Variants in SLC22A3 observed in about 807,000 individuals in gnomAD.
SLC22A3 encodes the protein EMT organic cation transporter 3.
In SLC22A3, 51 loss-of-function variants were observed where a neutral mutation model predicts 59.1. That is an observed-to-expected ratio of 0.86 (90% confidence interval 0.69 to 1.09). The LOEUF (loss-of-function observed/expected upper bound fraction) is 1.09. SLC22A3 is among the 50% of genes least tolerant of loss of function. The pLI is 0.00. For missense variants in SLC22A3, 711 were observed against 726.3 expected (o/e 0.98, Z 0.24); for synonymous variants, 325 against 292.0 (o/e 1.11, Z -1.15).
chr6:160,443,800 G>T, intron 9 of SLC22A3, 58 bp downstream of exon 9: 1 of 939,930 alleles, frequency 1.1e-6, no homozygotes, highest in Admixed American at 2.4e-5. Context: ...TACTAAAAGA[G>T]ACCTATAATA....
At position 160,348,394 on chromosome 6, in the gene SLC22A3, T is replaced by TGCGGGCGGCGGGCG. The variant is rs543516112; in HGVS notation, c.-18_-5dup. The TGCGGGCGGCGGGCG allele has an allele frequency of 2.8e-6, 4 of 1,435,198 alleles. No individual in the cohort carries two copies. The East Asian group carries it at 8.4e-5, about 30-fold the overall frequency. 88.9% of individuals were successfully genotyped at this position (1,435,198 alleles called of 1,614,324 possible). A position where few individuals can be genotyped will look rare whatever the true frequency, so the allele number is the denominator to read the frequency against. ...CCGCGGGTCACTCCGAGGCGCGGGCTGCGGGCGGCGGGCGGCGGGCGCACC... is the reference window on the plus strand; with the variant it reads ...CCGCGGGTCACTCCGAGGCGCGGGCTGCGGGCGGCGGGCGGCGGGCGGCGGGCGGCGGGCGCACC... On this transcript the variant is annotated 5_prime_UTR_variant, in exon 1 of 11. Transcript: ENST00000275300.
intron 1 of SLC22A3, among the ~76,000 whole-genome samples, chr6:160,390,726 GT>G (rs1353825721): frequency 6.6e-6 from 1 of 152,102 alleles, no homozygotes; most frequent in Non-Finnish European, 1.5e-5. Flanking sequence ...CTTCCTTGTT[GT>G]TTTATTAATC....
At chr6:160,393,431 C>A in intron 1 of SLC22A3, among the ~76,000 whole-genome samples, 1 of 107,762 alleles carries the variant, frequency 9.3e-6, no homozygotes, top group Non-Finnish European at 1.8e-5. Flanking sequence ...TAATGCTATC[C>A]CTCCCCCCTC....
chr6:160,411,311 A>T (rs562555757), intron 5 of SLC22A3, among the ~76,000 whole-genome samples: 32 of 152,288 alleles, frequency 2.1e-4, no homozygotes, highest in African/African-American at 7.0e-4. Flanking sequence ...TTCATACCAG[A>T]GCTTGAGCAG....
chr6:160,414,031 C>A (rs1009434774), intron 5 of SLC22A3, among the ~76,000 whole-genome samples: 3 of 152,112 alleles, frequency 2.0e-5, no homozygotes, highest in African/African-American at 7.2e-5. Flanking sequence ...TTGATTATAT[C>A]TGTAGGATCC....
intron 7 of SLC22A3, among the ~76,000 whole-genome samples, chr6:160,441,232 A>G (rs1278052007): frequency 6.6e-6 from 1 of 151,928 alleles, no homozygotes; most frequent in Non-Finnish European, 1.5e-5. Flanking sequence ...CTCTGCTCCC[A>G]CTTTCCCCTT....
At chr6:160,403,676 TAA>T (rs36157729) in intron 2 of SLC22A3, among the ~76,000 whole-genome samples, 4 of 151,434 alleles carry the variant, frequency 2.6e-5, no homozygotes, top group African/African-American at 9.7e-5. Flanking sequence ...CAATAGTGTA[TAA>T]AAAAAATTAT....
At chr6:160,396,758 T>C (rs150104155) in intron 1 of SLC22A3, among the ~76,000 whole-genome samples, 18 of 152,294 alleles carry the variant, frequency 1.2e-4, no homozygotes, top group African/African-American at 4.3e-4. Flanking sequence ...CTTATTTTTT[T>C]ATCAATTATG....
At chr6:160,411,470 G>T (rs1787245784) in intron 5 of SLC22A3, among the ~76,000 whole-genome samples, 1 of 152,146 alleles carries the variant, frequency 6.6e-6, no homozygotes, top group Admixed American at 6.5e-5. Flanking sequence ...GGGTGTAATG[G>T]CTCACTCCTA....
intron 1 of SLC22A3, 124 bp downstream of exon 1, chr6:160,348,972 C>T (rs1784571186): frequency 6.6e-7 from 1 of 1,518,382 alleles, no homozygotes; most frequent in Non-Finnish European, 8.8e-7. Flanking sequence ...CGGTCGGCTA[C>T]CTCTGGGGAC....
intron 1 of SLC22A3, among the ~76,000 whole-genome samples, chr6:160,375,221 A>G (rs1785547355): frequency 6.6e-6 from 1 of 152,198 alleles, no homozygotes; most frequent in Admixed American, 6.5e-5. Flanking sequence ...GCACACAACC[A>G]GGACCCTTGC....
chr6:160,444,024 T>TA (rs1788652267), intron 9 of SLC22A3, among the ~76,000 whole-genome samples: 2 of 152,170 alleles, frequency 1.3e-5, no homozygotes, highest in Non-Finnish European at 2.9e-5. Context: ...TTAAATGCTG[T>TA]GAAACTCTTA....
chr6:160,391,641 C>CCT (rs925274144), intron 1 of SLC22A3, among the ~76,000 whole-genome samples: 99 of 152,284 alleles, frequency 6.5e-4, no homozygotes, highest in African/African-American at 2.3e-3. Context: ...ATATTTAGAA[C>CCT]CTTTCATCTT....
At chr6:160,429,370 T>C (rs1255707076) in intron 5 of SLC22A3, among the ~76,000 whole-genome samples, 1 of 152,188 alleles carries the variant, frequency 6.6e-6, no homozygotes, top group Non-Finnish European at 1.5e-5. Flanking sequence ...AAGTCTCCTA[T>C]TGAGAATAAC....
At chr6:160,390,840 G>T (rs1786226941) in intron 1 of SLC22A3, among the ~76,000 whole-genome samples, 1 of 152,152 alleles carries the variant, frequency 6.6e-6, no homozygotes, top group South Asian at 2.1e-4. Context: ...ATTCGCTCCT[G>T]GTTCTGGAGG....
Position 160,451,577 on chromosome 6 carries a change from C to T in SLC22A3, c.*521C>T, listed in dbSNP as rs3088441. ...AAGGCTGAATCACAGGCACCTGGGC[C>T]AAAGGGTGTGAGCATTCATGTTCTC... On this transcript the variant is annotated 3_prime_UTR_variant, in exon 11 of 11. Transcript: ENST00000275300. 5,597 of 165,606 alleles carry T rather than the reference C, an allele frequency of 0.034. 142 individuals are homozygous for T. The highest frequency in any genetic ancestry group is 0.049 in the Non-Finnish European group (3,716 of 75,388). 10.3% of individuals were successfully genotyped at this position (165,606 alleles called of 1,614,324 possible). A position where few individuals can be genotyped will look rare whatever the true frequency, so the allele number is the denominator to read the frequency against.
chr6:160,428,765 G>A (rs112869744), intron 5 of SLC22A3, among the ~76,000 whole-genome samples: 97 of 152,172 alleles, frequency 6.4e-4, no homozygotes, highest in African/African-American at 2.1e-3. Flanking sequence ...TCAAACATTT[G>A]TGATAATTTT....
chr6:160,392,133 T>TG (rs1336334555), intron 1 of SLC22A3, among the ~76,000 whole-genome samples: 1 of 152,090 alleles, frequency 6.6e-6, no homozygotes, highest in Non-Finnish European at 1.5e-5. Context: ...CCATCAAAGG[T>TG]GGGATGGGGA....
chr6:160,362,685 G>T (rs1393902755), intron 1 of SLC22A3, among the ~76,000 whole-genome samples: 2 of 152,218 alleles, frequency 1.3e-5, no homozygotes, highest in Non-Finnish European at 2.9e-5. Flanking sequence ...CGGGCCAGAC[G>T]GTGCGGAGGG....
Sources: gnomAD v4.1 joint callset for allele counts (sites outside exome capture counted in the v4.1 genomes callset) on GRCh38, gnomAD v4.1.1 for gene constraint, MANE v1.5 for transcripts, NCBI Gene and HGNC (gene_info 2026-07-23, HGNC 2026-07-21) for gene names.